CDCA7: variants seen among roughly 807,000 people sequenced by gnomAD.
CDCA7 encodes cell division cycle associated 7.
CDCA7 carries 28 observed loss-of-function variants against 54.0 expected under a neutral mutation model. The observed-to-expected ratio is 0.52, with a 90% confidence interval of 0.38 to 0.71. The LOEUF (loss-of-function observed/expected upper bound fraction) is 0.71. Among genes scored for constraint, CDCA7 ranks in the 30% least tolerant of loss-of-function variants. CDCA7 has a pLI of 0.00. For missense variants in CDCA7, 484 were observed against 586.0 expected (o/e 0.83, Z 1.80); for synonymous variants, 180 against 208.2 (o/e 0.86, Z 1.16).
At position 173,359,320 on chromosome 2, in the gene CDCA7, T is replaced by A. The variant is rs751719477; in HGVS notation, c.213T>A (p.Asn71Lys). Residue 71 changes from asparagine to lysine, a missense_variant, in exon 3 of 10, where the codon AAT becomes AAA. Around this residue, in one of 3 missense-constraint regions of CDCA7, gnomAD observed 398 missense variants for 447.4 expected, o/e 0.89. Transcript: ENST00000306721. ...LANVFYEDSD[N>K]ESFCGFSESE... ...ATGTTTTTTATGAGGACTCTGATAA[T>A]GAATCTTTCTGCGGCTTTTCAGAAA... is the stretch of plus-strand genomic sequence containing the variant. 2 of 1,614,232 alleles carry A rather than the reference T, an allele frequency of 1.2e-6. No homozygotes were observed. Among genetic ancestry groups the A allele is most frequent in the East Asian group, 4.5e-5 (2 of 44,886 alleles).
At chr2:173,355,325 G>A (rs1321664356) in intron 1 of CDCA7, among the ~76,000 whole-genome samples, 1 of 152,182 alleles carries the variant, frequency 6.6e-6, no homozygotes, top group Non-Finnish European at 1.5e-5. Context: ...CTGCCAGGCA[G>A]AGCCAGCCTG....
chr2:173,368,545 G>A lies in CDCA7; in HGVS notation c.*881G>A, dbSNP rs75243373. The A allele has an allele frequency of 6.6e-6, 1 of 152,182 alleles. No homozygotes were observed. The highest frequency in any genetic ancestry group is 1.5e-5 in the Non-Finnish European group (1 of 68,036). 9.4% of individuals were successfully genotyped at this position (152,182 alleles called of 1,614,324 possible). Reference sequence around the variant, plus strand: ...AGTCTGTGGTTCTTTGCAGTTTCTTGTAAATTTATAAACCAGGCACAAGGT... The same window carrying A: ...AGTCTGTGGTTCTTTGCAGTTTCTTATAAATTTATAAACCAGGCACAAGGT... On this transcript the variant is annotated 3_prime_UTR_variant, in exon 10 of 10. Coordinates refer to ENST00000306721, the MANE Select transcript of CDCA7 (RefSeq NM_031942.5).
In CDCA7 at chr2:173,367,644, G is replaced by T; in HGVS notation, c.1333G>T (p.Glu445Ter). 1 of 1,614,160 alleles carries T rather than the reference G, an allele frequency of 6.2e-7. No individual in the cohort carries two copies. Among genetic ancestry groups the T allele is most frequent in the Non-Finnish European group, 8.5e-7 (1 of 1,180,022 alleles). Residue 445 changes from glutamate to a stop codon, truncating the protein, a stop_gained, in exon 10 of 10, where the codon GAA becomes TAA. Transcript: ENST00000306721. LOFTEE classifies it high-confidence loss of function. ...VHAYLKSLKQ[E>*]FEMQA ...TTTTGTTTTTCACAGCCTGAAACAGGAATTTGAAATGCAAGCATAATATCT... is the reference window on the plus strand; with the variant it reads ...TTTTGTTTTTCACAGCCTGAAACAGTAATTTGAAATGCAAGCATAATATCT...
intron 5 of CDCA7, chr2:173,364,206 A>G (rs1333832691): frequency 4.0e-6 from 1 of 248,454 alleles, no homozygotes; most frequent in Non-Finnish European, 7.6e-6. Context: ...GTGTGAGCAC[A>G]TTCCTCCTAC....
Position 173,366,453 on chromosome 2 carries a change from G to A in CDCA7, c.1185+21G>A. The A allele has an allele frequency of 6.2e-7, 1 of 1,611,538 alleles. No individual in the cohort carries two copies. The highest frequency in any genetic ancestry group is 1.1e-5 in the South Asian group (1 of 90,912). On this transcript the variant is annotated intron_variant, in intron 8 of 9. Coordinates refer to ENST00000306721, the MANE Select transcript of CDCA7 (RefSeq NM_031942.5). The surrounding 1 kb of genome is among the most constrained non-coding windows in gnomAD (Gnocchi z 4.5). ...ATCCGGTAGGTGCCTGCCAGGGGTT[G>A]GTCCTGTGGGCTTGAAGGTCAGCCA...
rs1302892282 is a variant in CDCA7 at position 173,358,729 on chromosome 2, A to G, written c.39A>G (p.Val13=). The change falls in exon 2 of 10, where the codon GTA becomes GTG. Residue 13 remains valine (V), a synonymous_variant. Coordinates refer to ENST00000306721, the MANE Select transcript of CDCA7 (RefSeq NM_031942.5). ...ATTTGCAGCAGAAAGATCTCAGAGTAAAGAAGAACTTAAAGAAATTCAGAT... is the reference window on the plus strand; with the variant it reads ...ATTTGCAGCAGAAAGATCTCAGAGTGAAGAAGAACTTAAAGAAATTCAGAT... The part of the protein sequence containing the change: ...ARRVPQKDLR[V]KKNLKKFRYV... 1.9e-6 allele frequency: 3 copies of G among 1,613,770 alleles called. No individual in the cohort carries two copies. The highest frequency in any genetic ancestry group is 2.5e-6 in the Non-Finnish European group (3 of 1,179,862).
At chr2:173,360,642 C>G (rs1686602394) in intron 3 of CDCA7, among the ~76,000 whole-genome samples, 1 of 152,118 alleles carries the variant, frequency 6.6e-6, no homozygotes, top group African/African-American at 2.4e-5. Flanking sequence ...TGCCTGGGAA[C>G]TTTTAAAAAT....
At chr2:173,359,152 T>C in intron 2 of CDCA7, 103 bp from the exon 3 acceptor site, 1 of 914,566 alleles carries the variant, frequency 1.1e-6, no homozygotes, top group Non-Finnish European at 1.7e-6. Flanking sequence ...TGTTCTCTTG[T>C]AGTGCACTTG....
chr2:173,355,111 C>T, intron 1 of CDCA7, 127 bp downstream of exon 1: 1 of 1,095,024 alleles, frequency 9.1e-7, no homozygotes, highest in Non-Finnish European at 1.2e-6. Context: ...TAGGCGTTGC[C>T]CGCTTGGGCA....
chr2:173,364,015 CT>C, intron 5 of CDCA7, 120 bp downstream of exon 5: 1 of 903,968 alleles, frequency 1.1e-6, no homozygotes, highest in Non-Finnish European at 1.7e-6. Flanking sequence ...CGAAGGGGAC[CT>C]AGAGGAAACC....
intron 3 of CDCA7, among the ~76,000 whole-genome samples, chr2:173,361,678 C>G (rs1026610526): frequency 6.6e-6 from 1 of 152,144 alleles, no homozygotes; most frequent in Non-Finnish European, 1.5e-5. Context: ...TCTCGAACTC[C>G]TGACCTCAGG....
intron 3 of CDCA7, among the ~76,000 whole-genome samples, chr2:173,359,980 T>C (rs1450303472): frequency 6.6e-6 from 1 of 152,166 alleles, no homozygotes; most frequent in East Asian, 1.9e-4. Context: ...TTTTGCTCCT[T>C]GGTTGGCTTT....
Position 173,366,129 on chromosome 2 carries a change from T to A in CDCA7, c.1036-154T>A, listed in dbSNP as rs1404491961. Among the ~76,000 whole-genome samples, 1 of 152,142 alleles carries A rather than the reference T, an allele frequency of 6.6e-6. No individual in the cohort carries two copies. The highest frequency in any genetic ancestry group is 2.4e-5 in the African/African-American group (1 of 41,428). On this transcript the variant is annotated intron_variant, in intron 7 of 9. Transcript: ENST00000306721. The surrounding 1 kb of genome is among the most constrained non-coding windows in gnomAD (Gnocchi z 4.5). ...TGTGAGCCACTGCACCTGGTTGAGT[T>A]ATTTTTCATACCCTGGCATATACAT... is the stretch of plus-strand genomic sequence containing the variant.
Position 173,363,288 on chromosome 2 carries a change from C to T in CDCA7, c.447C>T (p.Leu149=), listed in dbSNP as rs1369944253. Residue 149 remains leucine (L), a synonymous_variant, in exon 4 of 10, where the codon CTC becomes CTT. Transcript: ENST00000306721. ...TRSQCRHSGP[L]RVAMKFPARS... Reference sequence around the variant, plus strand: ...GCCAGTGCAGGCACTCTGGACCTCTCAGGGTGGCGATGAAGTTTCCAGCGC... The same window carrying T: ...GCCAGTGCAGGCACTCTGGACCTCTTAGGGTGGCGATGAAGTTTCCAGCGC... 4 of 1,614,044 alleles carry T rather than the reference C, an allele frequency of 2.5e-6. No homozygotes were observed. Among genetic ancestry groups the T allele is most frequent in the Non-Finnish European group, 3.4e-6 (4 of 1,180,046 alleles).
chr2:173,359,158 A>G, intron 2 of CDCA7, 97 bp from the exon 3 acceptor site: 1 of 963,042 alleles, frequency 1.0e-6, no homozygotes, highest in Non-Finnish European at 1.6e-6. Flanking sequence ...CTTGTAGTGC[A>G]CTTGTAAATG....
At position 173,366,568 on chromosome 2, in the gene CDCA7, C is replaced by A; in HGVS notation, c.1185+136C>A. The A allele has an allele frequency of 8.4e-7, 1 of 1,191,392 alleles. No homozygotes were observed. Among genetic ancestry groups the A allele is most frequent in the Non-Finnish European group, 1.2e-6 (1 of 866,658 alleles). 73.8% of individuals were successfully genotyped at this position (1,191,392 alleles called of 1,614,324 possible). The stretch of plus-strand genomic sequence containing the variant: ...CTCTTCTTTTTTTTTAAGATGGAGT[C>A]TCATTCTGTCGCCAGGCTGCAGTGC... On this transcript the variant is annotated intron_variant, in intron 8 of 9. Transcript: ENST00000306721. This position sits in a 1 kb window ranked among gnomAD's most constrained non-coding sequence, Gnocchi z 4.5.
chr2:173,365,638 G>A (rs745466458), intron 7 of CDCA7, 46 bp downstream of exon 7: 2 of 1,597,822 alleles, frequency 1.3e-6, no homozygotes, highest in Non-Finnish European at 1.7e-6. Context: ...ATCTGTGAGA[G>A]GAAGAGAGCT....
In CDCA7 at chr2:173,359,560, T is replaced by A; in HGVS notation, c.384+69T>A. On this transcript the variant is annotated intron_variant, in intron 3 of 9. Coordinates refer to ENST00000306721, the MANE Select transcript of CDCA7 (RefSeq NM_031942.5). ...TAGAGGCATGACATATTTTTAGAAATTTTTTTCTTGTGATTTTGATTTTAG... is the reference window on the plus strand; with the variant it reads ...TAGAGGCATGACATATTTTTAGAAAATTTTTTCTTGTGATTTTGATTTTAG... 4 of 1,402,580 alleles carry A rather than the reference T, an allele frequency of 2.9e-6. No individual in the cohort carries two copies. The South Asian group carries it at 3.8e-5, about 13-fold the overall frequency. The allele number at this position is 1,402,580 out of a possible 1,614,324, so 86.9% of individuals were successfully genotyped here. A position where few individuals can be genotyped will look rare whatever the true frequency, so the allele number is the denominator to read the frequency against.
Position 173,354,928 on chromosome 2 carries a change from C to G in CDCA7, c.-36C>G, listed in dbSNP as rs1336265280. On this transcript the variant is annotated 5_prime_UTR_variant, in exon 1 of 10. Coordinates refer to ENST00000306721, the MANE Select transcript of CDCA7 (RefSeq NM_031942.5). Reference sequence around the variant, plus strand: ...TGACCGCGCGGCTGCTCCGCTCTCCCCGCTCCAAGCGCCGATCTGGGCACC... The same window carrying G: ...TGACCGCGCGGCTGCTCCGCTCTCCGCGCTCCAAGCGCCGATCTGGGCACC... 11 of 1,479,382 alleles carry G rather than the reference C, an allele frequency of 7.4e-6. No individual in the cohort carries two copies. In the African/African-American group the frequency reaches 1.5e-4, roughly 20 times the overall value. 91.6% of individuals were successfully genotyped at this position (1,479,382 alleles called of 1,614,324 possible). A position where few individuals can be genotyped will look rare whatever the true frequency, so the allele number is the denominator to read the frequency against.
Sources: gnomAD v4.1 joint callset for allele counts (sites outside exome capture counted in the v4.1 genomes callset) on GRCh38, gnomAD v4.1.1 for gene constraint, gnomAD v4.1.1 regional missense constraint, Gnocchi (gnomAD v3.1) non-coding constraint, MANE v1.5 for transcripts, NCBI Gene and HGNC (gene_info 2026-07-23, HGNC 2026-07-21) for gene names.